The following OR6V1 variants were observed in gnomAD, a reference collection of about 807,000 sequenced individuals.
OR6V1 encodes the protein olfactory receptor family 6 subfamily V member 1.
Under a neutral mutation model 13.2 loss-of-function variants are expected in OR6V1, and 10 were observed. The ratio of observed to expected loss-of-function variants is 0.76; its 90% CI spans 0.47 to 1.28. OR6V1 has a LOEUF of 1.28. Ranked by LOEUF, OR6V1 falls within the 50% of genes most tolerant of loss-of-function variation. The pLI is 0.00. For synonymous variants in OR6V1, 137 were observed against 154.2 expected (o/e 0.89, Z 0.83); for missense variants, 350 against 380.4 (o/e 0.92, Z 0.67).
Position 143,053,085 on chromosome 7 carries a change from G to T in OR6V1, c.745G>T (p.Gly249Cys), listed in dbSNP as rs755333653. The change falls in exon 1 of 1, where the codon GGC (glycine) becomes TGC (cysteine). Residue 249 changes from glycine (G) to cysteine (C), a missense_variant. Coordinates refer to ENST00000418316, the MANE Select transcript of OR6V1 (RefSeq NM_001001667.1). ...CGSHLTLVFI[G>C]YSSTIFLYVR... is the part of the protein sequence containing the mutation. ...GTCTCACCTCACACTGGTCTTCATCGGCTACAGTAGTACCATCTTTCTGTA... is the reference window on the plus strand; with the variant it reads ...GTCTCACCTCACACTGGTCTTCATCTGCTACAGTAGTACCATCTTTCTGTA... 1.2e-6 allele frequency: 2 copies of T among 1,613,962 alleles called. No homozygotes were observed. Among genetic ancestry groups the T allele is most frequent in the Non-Finnish European group, 1.7e-6 (2 of 1,179,888 alleles).
Position 143,052,394 on chromosome 7 carries a change from T to C in OR6V1, c.54T>C (p.Phe18=). The change falls in exon 1 of 1, where the codon TTT becomes TTC. Residue 18 remains phenylalanine (F), a synonymous_variant. Coordinates refer to ENST00000418316, the MANE Select transcript of OR6V1 (RefSeq NM_001001667.1). Reference sequence around the variant, plus strand: ...TTGTCCTCTTGGGCTTCTCCTCCTTTGGTGAGCTGCAGGCCCTTCTGTATG... The same window carrying C: ...TTGTCCTCTTGGGCTTCTCCTCCTTCGGTGAGCTGCAGGCCCTTCTGTATG... ...SEFVLLGFSS[F]GELQALLYGP... 1 of 1,613,990 alleles carries C rather than the reference T, an allele frequency of 6.2e-7. No individual in the cohort carries two copies. Among genetic ancestry groups the C allele is most frequent in the East Asian group, 2.2e-5 (1 of 44,874 alleles).
chr7:143,053,177 C>T lies in OR6V1; in HGVS notation c.837C>T (p.Leu279=). ...TCGTGGCCTTGGTGACTTCAGTTCT[C>T]ACCCCCTTTCTCAATCCCTTTATCC... ...RKVVALVTSV[L]TPFLNPFILT... The change falls in exon 1 of 1, where the codon CTC becomes CTT. Residue 279 remains leucine (L), a synonymous_variant. Coordinates refer to ENST00000418316, the MANE Select transcript of OR6V1 (RefSeq NM_001001667.1). 6.2e-7 allele frequency: 1 copy of T among 1,613,942 alleles called. No homozygotes were observed. Among genetic ancestry groups the T allele is most frequent in the Non-Finnish European group, 8.5e-7 (1 of 1,179,816 alleles).
In OR6V1 at chr7:143,052,912, G is replaced by A. The variant is rs190503522; in HGVS notation, c.572G>A (p.Arg191His). 1,962 of 1,613,964 alleles carry A rather than the reference G, an allele frequency of 1.2e-3. 19 individuals are homozygous for A. The highest frequency in any genetic ancestry group is 3.3e-4 in the Middle Eastern group (2 of 6,060). The part of the protein sequence containing the change: ...PLLQLSCSDT[R>H]LLEFWDFLMA... ...CTGCAGTTGTCATGCTCTGACACTC[G>A]CCTGTTGGAATTCTGGGACTTTCTG... The change falls in exon 1 of 1, where the codon CGC (arginine) becomes CAC (histidine). Residue 191 changes from arginine to histidine, a missense_variant. By Grantham distance (29) the Arg-to-His change is conservative. Transcript: ENST00000418316.
Position 143,052,564 on chromosome 7 carries a change from C to T in OR6V1, c.224C>T (p.Ala75Val), listed in dbSNP as rs751000400. Residue 75 changes from alanine (A) to valine (V), a missense_variant, in exon 1 of 1, where the codon GCA (alanine) becomes GTA (valine). Transcript: ENST00000418316. ...SLLEILVTMT[A>V]VPRMLSDLLV... ...CTGGAGATCTTGGTAACCATGACTGCAGTGCCCAGGATGCTCTCAGACCTG... is the reference window on the plus strand; with the variant it reads ...CTGGAGATCTTGGTAACCATGACTGTAGTGCCCAGGATGCTCTCAGACCTG... The T allele has an allele frequency of 1.2e-6, 2 of 1,613,964 alleles. No individual in the cohort carries two copies. Among genetic ancestry groups the T allele is most frequent in the Non-Finnish European group, 1.7e-6 (2 of 1,179,818 alleles).
In OR6V1 at chr7:143,052,856, C is replaced by T. The variant is rs11975892; in HGVS notation, c.516C>T (p.Ile172=). The change falls in exon 1 of 1, where the codon ATC becomes ATT. Residue 172 remains isoleucine (I), a synonymous_variant. Transcript: ENST00000418316. ...AHLDYCHGDV[I]NHFFCDNEPL... is the part of the protein sequence containing the mutation. ...TTGATTACTGCCATGGCGACGTCATCAACCACTTCTTCTGTGACAATGAAC... is the reference window on the plus strand; with the variant it reads ...TTGATTACTGCCATGGCGACGTCATTAACCACTTCTTCTGTGACAATGAAC... 0.21 allele frequency: 340,027 copies of T among 1,613,464 alleles called. 44,560 individuals are homozygous for T. The highest frequency in any genetic ancestry group is 0.63 in the African/African-American group (47,074 of 74,958).
Position 143,052,792 on chromosome 7 carries a change from T to C in OR6V1, c.452T>C (p.Phe151Ser), listed in dbSNP as rs929820024. 6.2e-7 allele frequency: 1 copy of C among 1,614,024 alleles called. No homozygotes were observed. Among genetic ancestry groups the C allele is most frequent in the Non-Finnish European group, 8.5e-7 (1 of 1,179,892 alleles). ...QLAGAAWAAPFLAMVPTVLSR... is the reference protein window; with the variant it reads ...QLAGAAWAAPSLAMVPTVLSR... ...GCTGGGGCTGCCTGGGCAGCTCCTT[T>C]CCTAGCCATGGTACCCACTGTCCTC... The change falls in exon 1 of 1, where the codon TTC becomes TCC. Residue 151 changes from phenylalanine (F) to serine (S), a missense_variant. Phe to Ser is a radical substitution (Grantham distance 155). Transcript: ENST00000418316.
Position 143,052,369 on chromosome 7 carries a change from T to C in OR6V1, c.29T>C (p.Phe10Ser), listed in dbSNP as rs1325117949. 6.2e-7 allele frequency: 1 copy of C among 1,613,954 alleles called. No individual in the cohort carries two copies. Residue 10 changes from phenylalanine to serine, a missense_variant, in exon 1 of 1, where the codon TTT (phenylalanine) becomes TCT (serine). Phe to Ser is a radical substitution (Grantham distance 155). Coordinates refer to ENST00000418316, the MANE Select transcript of OR6V1 (RefSeq NM_001001667.1). MANLSQPSEFVLLGFSSFGE... is the reference protein window; with the variant it reads MANLSQPSESVLLGFSSFGE... ...GCAAATCTGAGCCAGCCCTCCGAAT[T>C]TGTCCTCTTGGGCTTCTCCTCCTTT...
Sources: gnomAD v4.1 joint callset for allele counts on GRCh38, gnomAD v4.1.1 for gene constraint, MANE v1.5 for transcripts, NCBI Gene and HGNC (gene_info 2026-07-23, HGNC 2026-07-21) for gene names.